The following TMEM52B variants were observed in gnomAD, a reference collection of about 807,000 sequenced individuals.
The protein encoded by TMEM52B is transmembrane protein 52B, also known as chromosome 12 open reading frame 59.
Under a neutral mutation model 16.1 loss-of-function variants are expected in TMEM52B, and 11 were observed. That is an observed-to-expected ratio of 0.68 (90% CI 0.43 to 1.13). The LOEUF is 1.13. TMEM52B is among the 50% of genes most tolerant of loss of function. The pLI is 0.00. For synonymous variants in TMEM52B, 101 were observed against 93.8 expected, an observed-to-expected ratio of 1.08 and a Z score of -0.45; for missense variants, 243 against 230.4, an observed-to-expected ratio of 1.05 and a Z score of -0.35.
intron 4 of TMEM52B, among the ~76,000 whole-genome samples, chr12:10,189,486 T>A (rs1232511348): frequency 6.6e-6 from 1 of 151,432 alleles, no homozygotes; most frequent in South Asian, 2.1e-4. Context: ...TACCTGGGCA[T>A]GGTGGCGGGC....
chr12:10,179,508 C>A lies in TMEM52B; in HGVS notation c.-67C>A. 6.5e-7 allele frequency: 1 copy of A among 1,531,600 alleles called. No individual in the cohort carries two copies. Among genetic ancestry groups the A allele is most frequent in the Non-Finnish European group, 9.1e-7 (1 of 1,104,932 alleles). The allele number at this position is 1,531,600 out of a possible 1,614,324, so 94.9% of individuals were successfully genotyped here. ...TTCTAGGTCAAGAAGTAAAATATGG[C>A]ACAGAGCATTGAAAGGAGGCAACGG... On this transcript the variant is annotated 5_prime_UTR_variant, in exon 1 of 5. Transcript: ENST00000543484.
At position 10,190,186 on chromosome 12, in the gene TMEM52B, C is replaced by T. The variant is rs1413840182; in HGVS notation, c.*46C>T. 13 of 1,607,200 alleles carry T rather than the reference C, an allele frequency of 8.1e-6. No individual in the cohort carries two copies. The Middle Eastern group carries it at 1.3e-3, about 164-fold the overall frequency. ...ATAGGAGTGGAGTGATGTCCAGAGT[C>T]TGTGGGAAAATGGAACACATACTTT... On this transcript the variant is annotated 3_prime_UTR_variant, in exon 5 of 5. Coordinates refer to ENST00000543484, the MANE Select transcript of TMEM52B (RefSeq NM_001384896.1).
chr12:10,172,290 G>C (rs888197994), intron 1 of TMEM52B: 1 of 484,004 alleles, frequency 2.1e-6, no homozygotes, highest in Non-Finnish European at 3.7e-6. Flanking sequence ...TGGAGAAAGT[G>C]GTGATTCTGA....
At chr12:10,188,005 G>A (rs918894483) in intron 4 of TMEM52B, among the ~76,000 whole-genome samples, 1 of 152,012 alleles carries the variant, frequency 6.6e-6, no homozygotes, top group Non-Finnish European at 1.5e-5. Context: ...AAGCTGAGGC[G>A]TGACACTCGC....
chr12:10,176,571 A>T (rs1240413617), upstream of TMEM52B, among the ~76,000 whole-genome samples: 1 of 152,198 alleles, frequency 6.6e-6, no homozygotes, highest in Non-Finnish European at 1.5e-5. Flanking sequence ...GGAGACTAAA[A>T]TGTGGTCTGG....
At chr12:10,171,152 C>G (rs979923568) in intron 1 of TMEM52B, among the ~76,000 whole-genome samples, 8 of 152,316 alleles carry the variant, frequency 5.3e-5, no homozygotes, top group South Asian at 2.1e-4. Flanking sequence ...TTCATTGGCT[C>G]AAATGTTAAA....
At position 10,190,246 on chromosome 12, in the gene TMEM52B, A is replaced by G; in HGVS notation, c.*106A>G. The G allele has an allele frequency of 7.2e-7, 1 of 1,388,620 alleles. No homozygotes were observed. The highest frequency in any genetic ancestry group is 1.4e-5 in the African/African-American group (1 of 69,806). The allele number at this position is 1,388,620 out of a possible 1,614,324, so 86.0% of individuals were successfully genotyped here. Reference sequence around the variant, plus strand: ...CAGAAGTTTTAAGATGGCATCTAACACCATCATTCTATGGGAAAGATGGTT... The same window carrying G: ...CAGAAGTTTTAAGATGGCATCTAACGCCATCATTCTATGGGAAAGATGGTT... On this transcript the variant is annotated 3_prime_UTR_variant, in exon 5 of 5. Transcript: ENST00000543484.
upstream of TMEM52B, among the ~76,000 whole-genome samples, chr12:10,174,147 G>A (rs80245299): frequency 6.6e-6 from 1 of 152,054 alleles, no homozygotes; most frequent in African/African-American, 2.4e-5. Flanking sequence ...TGCAACCTCC[G>A]CCTCCTGGGT....
At chr12:10,189,752 T>C (rs1565429358) in intron 4 of TMEM52B, 144 bp from the exon 5 acceptor site, 2 of 1,096,244 alleles carry the variant, frequency 1.8e-6, no homozygotes, top group Non-Finnish European at 2.6e-6. Context: ...TCAAAGGATA[T>C]TCATAAAATT....
intron 1 of TMEM52B, among the ~76,000 whole-genome samples, chr12:10,180,826 A>G (rs1456274974): frequency 6.6e-6 from 1 of 152,140 alleles, no homozygotes; most frequent in Non-Finnish European, 1.5e-5. Flanking sequence ...TTGTTTTTAA[A>G]CGGAGTTTTG....
chr12:10,177,705 G>T (rs1461343172), upstream of TMEM52B, among the ~76,000 whole-genome samples: 1 of 149,822 alleles, frequency 6.7e-6, no homozygotes, highest in Non-Finnish European at 1.5e-5. Context: ...AGGAGGCAGA[G>T]GTTGCAGTGA....
intron 1 of TMEM52B, among the ~76,000 whole-genome samples, chr12:10,173,134 G>A (rs752901571): frequency 2.0e-5 from 3 of 152,232 alleles, no homozygotes; most frequent in East Asian, 3.9e-4. Flanking sequence ...TCACAAAGAC[G>A]CTTACATGAG....
Position 10,179,500 on chromosome 12 carries a change from A to C in TMEM52B, c.-75A>C, listed in dbSNP as rs538584231. The C allele has an allele frequency of 1.4e-5, 21 of 1,511,402 alleles. No individual in the cohort carries two copies. Among genetic ancestry groups the C allele is most frequent in the Non-Finnish European group, 1.7e-5 (19 of 1,087,292 alleles). 93.6% of individuals were successfully genotyped at this position (1,511,402 alleles called of 1,614,324 possible). On this transcript the variant is annotated 5_prime_UTR_variant, in exon 1 of 5. Coordinates refer to ENST00000543484, the MANE Select transcript of TMEM52B (RefSeq NM_001384896.1). ...CTTAAGAATTCTAGGTCAAGAAGTAAAATATGGCACAGAGCATTGAAAGGA... is the reference window on the plus strand; with the variant it reads ...CTTAAGAATTCTAGGTCAAGAAGTACAATATGGCACAGAGCATTGAAAGGA...
Position 10,186,564 on chromosome 12 carries a change from C to T in TMEM52B, c.282C>T (p.Asp94=), listed in dbSNP as rs746279611. ...TGACCGTCATTGCTTTCGATCACGA[C>T]AGCACTCTCCAGAGCACTATCACAT... ...CEVTVIAFDH[D]STLQSTITSL... The change falls in exon 4 of 5, where the codon GAC becomes GAT. Residue 94 remains aspartate, a synonymous_variant. Transcript: ENST00000543484. The T allele has an allele frequency of 9.4e-6, 15 of 1,602,672 alleles. No individual in the cohort carries two copies. In the Admixed American group the frequency reaches 2.3e-4, roughly 25 times the overall value.
At position 10,179,344 on chromosome 12, in the gene TMEM52B, T is replaced by A; in HGVS notation, c.-231T>A. 1.8e-6 allele frequency: 1 copy of A among 541,878 alleles called. No homozygotes were observed. The highest frequency in any genetic ancestry group is 3.3e-6 in the Non-Finnish European group (1 of 301,552). 33.6% of individuals were successfully genotyped at this position (541,878 alleles called of 1,614,324 possible). A position where few individuals can be genotyped will look rare whatever the true frequency, so the allele number is the denominator to read the frequency against. On this transcript the variant is annotated 5_prime_UTR_variant, in exon 1 of 5. Transcript: ENST00000543484. ...GTAAATGTGGAGGCCATAGAAATAG[T>A]AATAAGAATAAAGAAGAAAAACAGG...
intron 2 of TMEM52B, among the ~76,000 whole-genome samples, chr12:10,183,220 A>G (rs1418027307): frequency 6.6e-6 from 1 of 152,202 alleles, no homozygotes; most frequent in Non-Finnish European, 1.5e-5. Flanking sequence ...AGAAAAATAC[A>G]TATTTAGCCA....
In TMEM52B at chr12:10,186,438, C is replaced by T. The variant is rs372597210; in HGVS notation, c.156C>T (p.Gly52=). 1.8e-4 allele frequency: 295 copies of T among 1,609,358 alleles called. No individual in the cohort carries two copies. Among genetic ancestry groups the T allele is most frequent in the Non-Finnish European group, 2.3e-4 (268 of 1,176,844 alleles). The change falls in exon 4 of 5, where the codon GGC becomes GGT. Residue 52 remains glycine, a synonymous_variant. Transcript: ENST00000543484. The part of the protein sequence containing the change: ...LWYIWLLVVI[G]ALLLLCGLTS... The stretch of plus-strand genomic sequence containing the variant: ...TTTGCAGGTTGCTAGTGGTAATTGG[C>T]GCGCTGCTTCTCCTGTGTGGCCTGA...
intron 1 of TMEM52B, chr12:10,182,332 C>G: frequency 7.1e-6 from 7 of 985,358 alleles, no homozygotes; most frequent in Non-Finnish European, 8.4e-6. Flanking sequence ...ATCAACACAA[C>G]AGATGAGATA....
Position 10,179,472 on chromosome 12 carries a change from C to G in TMEM52B, c.-103C>G, listed in dbSNP as rs967051540. ...TGATAAATTCCTGAGAAAAGTTTCTCTTCTTAAGAATTCTAGGTCAAGAAG... is the reference window on the plus strand; with the variant it reads ...TGATAAATTCCTGAGAAAAGTTTCTGTTCTTAAGAATTCTAGGTCAAGAAG... On this transcript the variant is annotated 5_prime_UTR_variant, in exon 1 of 5. Transcript: ENST00000543484. 1 of 1,283,168 alleles carries G rather than the reference C, an allele frequency of 7.8e-7. No individual in the cohort carries two copies. The highest frequency in any genetic ancestry group is 1.5e-5 in the African/African-American group (1 of 68,424). 79.5% of individuals were successfully genotyped at this position (1,283,168 alleles called of 1,614,324 possible).
Sources: gnomAD v4.1 joint callset for allele counts (sites outside exome capture counted in the v4.1 genomes callset) on GRCh38, gnomAD v4.1.1 for gene constraint, MANE v1.5 for transcripts, NCBI Gene and HGNC (gene_info 2026-07-23, HGNC 2026-07-21) for gene names.